The following SINHCAF variants were observed in gnomAD, a reference collection of about 807,000 sequenced individuals.
SINHCAF encodes SIN3-HDAC complex-associated factor.
SINHCAF carries 3 observed loss-of-function variants against 25.8 expected under a neutral mutation model. The observed-to-expected ratio is 0.12, with a 90% CI of 0.05 to 0.30. The LOEUF (loss-of-function observed/expected upper bound fraction) is 0.30, where lower values mean the gene tolerates loss of function less well. Among genes scored for constraint, SINHCAF ranks in the 10% least tolerant of loss-of-function variants. SINHCAF has a pLI of 1.00. For missense variants in SINHCAF, 121 were observed against 262.3 expected (o/e 0.46, Z 3.72); for synonymous variants, 70 against 85.5 (o/e 0.82, Z 1.00).
At chr12:31,287,863 C>T in intron 4 of SINHCAF, 79 bp from the exon 5 acceptor site, 1 of 1,012,196 alleles carries the variant, frequency 9.9e-7, no homozygotes, top group Non-Finnish European at 1.4e-6. Flanking sequence ...GCATAAGACA[C>T]TGTGAAAGAG....
rs1939890090 is a variant in SINHCAF at position 31,324,797 on chromosome 12, T to TC, written c.-21+1226dup. 5.5e-6 allele frequency: 2 copies of TC among 361,012 alleles called. No homozygotes were observed. The highest frequency in any genetic ancestry group is 1.1e-5 in the Non-Finnish European group (2 of 180,054). 22.4% of individuals were successfully genotyped at this position (361,012 alleles called of 1,614,324 possible). A position where few individuals can be genotyped will look rare whatever the true frequency, so the allele number is the denominator to read the frequency against. On this transcript the variant is annotated intron_variant, in intron 1 of 5. Transcript: ENST00000337682. The surrounding 1 kb of genome is among the most constrained non-coding windows in gnomAD (Gnocchi z 5.5). ...AGTCCGGAGCCTGGCCCCCCGACCC[T>TC]CCCCTCGGGAGCAGGCCCATTTAAT...
At chr12:31,318,491 G>A (rs950017607) in intron 1 of SINHCAF, among the ~76,000 whole-genome samples, 1 of 152,040 alleles carries the variant, frequency 6.6e-6, no homozygotes, top group Non-Finnish European at 1.5e-5. Context: ...ATCCACACTT[G>A]GCAGAAGAGC....
In SINHCAF at chr12:31,322,173, G is replaced by A. The variant is rs149205593; in HGVS notation, c.-21+3851C>T. 8.4e-4 allele frequency among the ~76,000 whole-genome samples: 128 copies of A among 152,264 alleles called. 2 individuals carry two copies. Among genetic ancestry groups the A allele is most frequent in the African/African-American group, 2.7e-3 (112 of 41,540 alleles). On this transcript the variant is annotated intron_variant, in intron 1 of 5. Transcript: ENST00000337682. ...AGAAGGCAGTAGAGACCTTGTCTGT[G>A]GGTCTTTCCCACCCTGAATTCATTC...
chr12:31,297,467 A>T (rs1439939286), intron 2 of SINHCAF, among the ~76,000 whole-genome samples: 1 of 103,428 alleles, frequency 9.7e-6, no homozygotes, highest in Non-Finnish European at 2.0e-5. Context: ...GTCAAGCGTA[A>T]TTTTTTTTTT....
rs979962718 is a variant in SINHCAF at position 31,324,089 on chromosome 12, C to CGGGGCG, written c.-21+1929_-21+1934dup. 3.1e-5 allele frequency: 14 copies of CGGGGCG among 453,820 alleles called. No individual in the cohort carries two copies. Among genetic ancestry groups the CGGGGCG allele is most frequent in the African/African-American group, 2.2e-4 (11 of 49,996 alleles). 28.1% of individuals were successfully genotyped at this position (453,820 alleles called of 1,614,324 possible). A position where few individuals can be genotyped will look rare whatever the true frequency, so the allele number is the denominator to read the frequency against. On this transcript the variant is annotated intron_variant, in intron 1 of 5. Transcript: ENST00000337682. The surrounding 1 kb of genome is among the most constrained non-coding windows in gnomAD (Gnocchi z 5.5). ...GAAAGTTCCTGCGGGGGCCGCTCGC[C>CGGGGCG]GGGGCGAGGGCGAGGGCAGCGGGAG...
At chr12:31,302,584 A>G (rs1002108447) in intron 1 of SINHCAF, among the ~76,000 whole-genome samples, 3 of 151,212 alleles carry the variant, frequency 2.0e-5, no homozygotes, top group Non-Finnish European at 2.9e-5. Context: ...AGGTTCCAAC[A>G]GGTTATAACC....
intron 3 of SINHCAF, among the ~76,000 whole-genome samples, chr12:31,294,797 A>C (rs1938481412): frequency 6.6e-6 from 1 of 152,228 alleles, no homozygotes. Context: ...TTTGCACTTC[A>C]TGAATAAATA....
At chr12:31,287,107 T>C (rs1938113138) in intron 5 of SINHCAF, among the ~76,000 whole-genome samples, 1 of 152,128 alleles carries the variant, frequency 6.6e-6, no homozygotes, top group Non-Finnish European at 1.5e-5. Context: ...TGAGATTATC[T>C]CCGTTTTTCA....
intron 1 of SINHCAF, among the ~76,000 whole-genome samples, chr12:31,311,194 C>A (rs1939253632): frequency 6.6e-6 from 1 of 152,174 alleles, no homozygotes; most frequent in Admixed American, 6.5e-5. Context: ...AGAGAAGCTG[C>A]TCATACCCAC....
rs138996944 is a variant in SINHCAF at position 31,283,021 on chromosome 12, T to C, written c.507-150A>G. The C allele has an allele frequency of 3.2e-4, 167 of 528,536 alleles. 2 individuals carry two copies. The East Asian group carries it at 5.0e-3, about 16-fold the overall frequency. The allele number at this position is 528,536 out of a possible 1,614,324, so 32.7% of individuals were successfully genotyped here. A position where few individuals can be genotyped will look rare whatever the true frequency, so the allele number is the denominator to read the frequency against. On this transcript the variant is annotated intron_variant, in intron 5 of 5. Coordinates refer to ENST00000337682, the MANE Select transcript of SINHCAF (RefSeq NM_001135812.2). ...ATTCCAAGTGAAAGGGCTCCTAGAG[T>C]AACCCCAATTAGCTAGAGAAGGGGA...
intron 2 of SINHCAF, chr12:31,297,033 A>G (rs1938578465): frequency 2.3e-6 from 1 of 439,476 alleles, no homozygotes; most frequent in African/African-American, 2.0e-5. Flanking sequence ...GCAACATAGG[A>G]AGACATTGTC....
Position 31,281,370 on chromosome 12 carries a change from TAGTA to T in SINHCAF, c.*1338_*1341del, listed in dbSNP as rs767447093. ...ATGTGAACACAAACCTCTTTTCTTT[TAGTA>T]AGTTTTACTTTTAATACAGAGTGAA... is the stretch of plus-strand genomic sequence containing the variant. On this transcript the variant is annotated 3_prime_UTR_variant, in exon 6 of 6. Coordinates refer to ENST00000337682, the MANE Select transcript of SINHCAF (RefSeq NM_001135812.2). 16 of 152,258 alleles carry T rather than the reference TAGTA, an allele frequency of 1.1e-4. No individual in the cohort carries two copies. Among genetic ancestry groups the T allele is most frequent in the Non-Finnish European group, 1.8e-4 (12 of 68,048 alleles). The allele number at this position is 152,258 out of a possible 1,614,324, so 9.4% of individuals were successfully genotyped here. A position where few individuals can be genotyped will look rare whatever the true frequency, so the allele number is the denominator to read the frequency against.
chr12:31,295,140 C>A, intron 3 of SINHCAF, 94 bp downstream of exon 3: 1 of 733,180 alleles, frequency 1.4e-6, no homozygotes, highest in Non-Finnish European at 2.3e-6. Flanking sequence ...GACTTTTCTA[C>A]CCTAGGGATA....
rs540941608 is a variant in SINHCAF at position 31,315,163 on chromosome 12, T to C, written c.-21+10861A>G. Among the ~76,000 whole-genome samples, 359 of 152,312 alleles carry C rather than the reference T, an allele frequency of 2.4e-3. 1 individual carries two copies. Among genetic ancestry groups the C allele is most frequent in the African/African-American group, 8.2e-3 (342 of 41,560 alleles). On this transcript the variant is annotated intron_variant, in intron 1 of 5. Transcript: ENST00000337682. ...TTTATATATTTTTTAAACAGGAAAATATGTGCGGTATGGTGAAGCAATAGT... is the reference window on the plus strand; with the variant it reads ...TTTATATATTTTTTAAACAGGAAAACATGTGCGGTATGGTGAAGCAATAGT...
At position 31,325,692 on chromosome 12, in the gene SINHCAF, G is replaced by C; in HGVS notation, c.-21+332C>G. On this transcript the variant is annotated intron_variant, in intron 1 of 5. Transcript: ENST00000337682. This position sits in a 1 kb window ranked among gnomAD's most constrained non-coding sequence, Gnocchi z 5.9. ...CGAGAGAACACTGCGGCGGAGAAAA[G>C]TCATTGTCACCTTCAACGTGGATCC... 1 of 173,300 alleles carries C rather than the reference G, an allele frequency of 5.8e-6. No individual in the cohort carries two copies. The highest frequency in any genetic ancestry group is 1.1e-4 in the South Asian group (1 of 8,874). The allele number at this position is 173,300 out of a possible 1,614,324, so 10.7% of individuals were successfully genotyped here.
chr12:31,288,467 G>A (rs1051559979), intron 4 of SINHCAF, among the ~76,000 whole-genome samples: 10 of 152,074 alleles, frequency 6.6e-5, no homozygotes, highest in African/African-American at 1.7e-4. Context: ...GAAGCCTAGC[G>A]AAGTCAGGAT....
chr12:31,311,618 T>C (rs1386149208), intron 1 of SINHCAF: 4 of 367,582 alleles, frequency 1.1e-5, no homozygotes, highest in East Asian at 1.4e-4. Flanking sequence ...GGGCCAAGCA[T>C]GGCGGCTGCC....
intron 4 of SINHCAF, among the ~76,000 whole-genome samples, chr12:31,291,119 G>C (rs548476914): frequency 3.3e-5 from 5 of 152,160 alleles, no homozygotes; most frequent in Admixed American, 1.3e-4. Context: ...CAAAGTCAAT[G>C]AGCAAAGCTG....
intron 1 of SINHCAF, among the ~76,000 whole-genome samples, chr12:31,305,696 ATTTT>A (rs751436938): frequency 1.9e-4 from 25 of 130,766 alleles, no homozygotes; most frequent in East Asian, 1.1e-3. Context: ...ATATAGGCCA[ATTTT>A]TTTTTTTTTT....
Sources: allele counts gnomAD v4.1 joint callset (sites outside exome capture counted in the v4.1 genomes callset), GRCh38; gene constraint gnomAD v4.1.1; non-coding constraint Gnocchi (gnomAD v3.1); transcripts MANE v1.5; gene names NCBI Gene and HGNC (gene_info 2026-07-23, HGNC 2026-07-21).